SDC2: variants seen among roughly 807,000 people sequenced by gnomAD.
The protein encoded by SDC2 is syndecan 2.
Under a neutral mutation model 22.2 loss-of-function variants are expected in SDC2, and 13 were observed. The observed-to-expected ratio is 0.59, with a 90% CI of 0.38 to 0.93. The LOEUF (loss-of-function observed/expected upper bound fraction) is 0.93. Ranked by LOEUF, SDC2 falls within the 40% of genes least tolerant of loss-of-function variation. SDC2 has a pLI of 0.00. For missense variants in SDC2, 235 were observed against 246.8 expected, an observed-to-expected ratio of 0.95 and a Z score of 0.32; for synonymous variants, 94 against 92.8, an observed-to-expected ratio of 1.01 and a Z score of -0.07.
intron 1 of SDC2, among the ~76,000 whole-genome samples, chr8:96,557,699 G>A (rs1586298676): frequency 1.3e-5 from 2 of 151,892 alleles, no homozygotes; most frequent in South Asian, 2.1e-4. Flanking sequence ...TGGGTGCAGC[G>A]CACCAGCATG....
intron 1 of SDC2, among the ~76,000 whole-genome samples, chr8:96,590,194 G>A (rs1482118167): frequency 6.6e-6 from 1 of 152,228 alleles, no homozygotes; most frequent in Non-Finnish European, 1.5e-5. Context: ...TGAAAGACCA[G>A]CTTTGTTTTT....
At chr8:96,556,127 A>G (rs1321770157) in intron 1 of SDC2, among the ~76,000 whole-genome samples, 1 of 152,082 alleles carries the variant, frequency 6.6e-6, no homozygotes, top group African/African-American at 2.4e-5. Flanking sequence ...AGTTGACTAG[A>G]AAGTTTATGG....
At chr8:96,548,538 T>C (rs1813972880) in intron 1 of SDC2, among the ~76,000 whole-genome samples, 1 of 152,240 alleles carries the variant, frequency 6.6e-6, no homozygotes, top group Non-Finnish European at 1.5e-5. Flanking sequence ...AGATAGATGA[T>C]ATGATTCATC....
intron 2 of SDC2, among the ~76,000 whole-genome samples, chr8:96,601,122 G>A (rs144953032): frequency 6.6e-6 from 1 of 152,190 alleles, no homozygotes; most frequent in African/African-American, 2.4e-5. Context: ...TTGTCCGGAA[G>A]CAGATGGCAC....
chr8:96,550,051 G>A (rs1327776887), intron 1 of SDC2, among the ~76,000 whole-genome samples: 2 of 152,084 alleles, frequency 1.3e-5, no homozygotes, highest in Non-Finnish European at 2.9e-5. Context: ...CAGCATAGAT[G>A]GGTCTCTTAG....
intron 3 of SDC2, among the ~76,000 whole-genome samples, chr8:96,607,155 C>T (rs984330727): frequency 3.5e-5 from 5 of 144,256 alleles, no homozygotes; most frequent in Non-Finnish European, 7.6e-5. Context: ...GATTGGGGAC[C>T]GCTAAACTAC....
intron 1 of SDC2, among the ~76,000 whole-genome samples, chr8:96,562,428 C>G (rs1179871927): frequency 6.6e-6 from 1 of 152,184 alleles, no homozygotes; most frequent in Non-Finnish European, 1.5e-5. Flanking sequence ...AGGCCACAGT[C>G]AGCCTGGGAA....
chr8:96,566,380 A>G (rs1353575638), intron 1 of SDC2, among the ~76,000 whole-genome samples: 1 of 152,242 alleles, frequency 6.6e-6, no homozygotes, highest in Non-Finnish European at 1.5e-5. Context: ...TTATAAAACC[A>G]TTAATGGTAT....
At chr8:96,581,967 G>A (rs1386245415) in intron 1 of SDC2, among the ~76,000 whole-genome samples, 1 of 152,164 alleles carries the variant, frequency 6.6e-6, no homozygotes, top group Non-Finnish European at 1.5e-5. Flanking sequence ...GCTTTGAGAT[G>A]GCACAGGTCA....
intron 1 of SDC2, among the ~76,000 whole-genome samples, chr8:96,573,180 T>C (rs1312006534): frequency 6.6e-6 from 1 of 152,050 alleles, no homozygotes; most frequent in Admixed American, 6.6e-5. Flanking sequence ...AATCTTCATG[T>C]GAAATTTGGG....
chr8:96,598,067 T>A (rs1586322993), intron 2 of SDC2, among the ~76,000 whole-genome samples: 1 of 152,116 alleles, frequency 6.6e-6, no homozygotes, highest in Non-Finnish European at 1.5e-5. Flanking sequence ...CACAGCAGAT[T>A]TGGTGTCTGG....
intron 1 of SDC2, among the ~76,000 whole-genome samples, chr8:96,547,751 A>G (rs1219172710): frequency 6.9e-6 from 1 of 145,064 alleles, no homozygotes; most frequent in Non-Finnish European, 1.5e-5. Context: ...TTTTTTTTAA[A>G]TTTTTATGTA....
intron 1 of SDC2, among the ~76,000 whole-genome samples, chr8:96,591,851 C>G (rs1365833784): frequency 6.6e-6 from 1 of 152,036 alleles, no homozygotes; most frequent in African/African-American, 2.4e-5. Context: ...ATATGCCAGG[C>G]ACTGTGACTG....
chr8:96,524,868 A>C (rs1813553954), intron 1 of SDC2, among the ~76,000 whole-genome samples: 1 of 151,904 alleles, frequency 6.6e-6, no homozygotes, highest in African/African-American at 2.4e-5. Flanking sequence ...TCCTATTTAT[A>C]TTTTTGTGTG....
chr8:96,608,191 A>G (rs1275134449), intron 3 of SDC2, 144 bp from the exon 4 acceptor site: 3 of 711,148 alleles, frequency 4.2e-6, no homozygotes, highest in Non-Finnish European at 4.6e-6. Flanking sequence ...CATTGCTATA[A>G]ACATCACACA....
chr8:96,522,739 G>A (rs1308758253), intron 1 of SDC2, among the ~76,000 whole-genome samples: 1 of 152,188 alleles, frequency 6.6e-6, no homozygotes, highest in African/African-American at 2.4e-5. Context: ...ATTTGAAATA[G>A]TCATTAAGTT....
intron 1 of SDC2, among the ~76,000 whole-genome samples, chr8:96,503,623 T>A (rs114847070): frequency 0.012 from 1,868 of 152,298 alleles, 36 homozygotes; most frequent in African/African-American, 0.043. Flanking sequence ...ATTGTTGTGA[T>A]GTTTACTGTA....
chr8:96,570,130 C>T (rs1348283760), intron 1 of SDC2, among the ~76,000 whole-genome samples: 11 of 152,152 alleles, frequency 7.2e-5, no homozygotes, highest in Non-Finnish European at 1.6e-4. Context: ...TCACTATCCT[C>T]TCCATTTTAT....
intron 1 of SDC2, among the ~76,000 whole-genome samples, chr8:96,528,754 T>TA (rs1318342744): frequency 6.6e-6 from 1 of 152,180 alleles, no homozygotes; most frequent in Non-Finnish European, 1.5e-5. Flanking sequence ...GTTCTCCATA[T>TA]AAAAAATGGC....
Sources: gnomAD v4.1 joint callset for allele counts (sites outside exome capture counted in the v4.1 genomes callset) on GRCh38, gnomAD v4.1.1 for gene constraint, MANE v1.5 for transcripts, NCBI Gene and HGNC (gene_info 2026-07-23, HGNC 2026-07-21) for gene names.